The following DSCAM variants were observed in gnomAD, a reference collection of about 807,000 sequenced individuals.
DSCAM encodes the protein cell adhesion molecule DSCAM.
Under a neutral mutation model 217.7 loss-of-function variants are expected in DSCAM, and 47 were observed. The observed-to-expected ratio is 0.22, with a 90% CI of 0.17 to 0.28. DSCAM has a LOEUF of 0.28. DSCAM is among the 10% of genes least tolerant of loss of function. DSCAM has a pLI of 1.00. For missense variants in DSCAM, 2,080 were observed against 2,618.3 expected, an observed-to-expected ratio of 0.79 and a Z score of 4.49; for synonymous variants, 1,056 against 1,015.3, an observed-to-expected ratio of 1.04 and a Z score of -0.76.
intron 1 of DSCAM, among the ~76,000 whole-genome samples, chr21:40,803,084 A>G (rs937756361): frequency 5.3e-5 from 8 of 152,238 alleles, no homozygotes; most frequent in African/African-American, 1.9e-4. Flanking sequence ...AGGGTAAGTC[A>G]GAGAAGTCAG....
intron 19 of DSCAM, among the ~76,000 whole-genome samples, chr21:40,127,199 T>A (rs2090103426): frequency 1.3e-5 from 2 of 152,320 alleles, no homozygotes; most frequent in African/African-American, 4.8e-5. Context: ...CCAAATAAGT[T>A]CTAGCTATCA....
intron 3 of DSCAM, among the ~76,000 whole-genome samples, chr21:40,382,006 A>G (rs2075031186): frequency 6.6e-6 from 1 of 152,188 alleles, no homozygotes; most frequent in South Asian, 2.1e-4. Context: ...TCTTTATTCT[A>G]TGTATCTCTT....
chr21:40,143,648 A>G (rs1021558266), intron 17 of DSCAM, among the ~76,000 whole-genome samples: 7 of 152,122 alleles, frequency 4.6e-5, no homozygotes, highest in Admixed American at 1.3e-4. Context: ...AAAATTAGCC[A>G]GGCGTGGTGG....
At chr21:40,460,309 G>C (rs1239817163) in intron 3 of DSCAM, among the ~76,000 whole-genome samples, 1 of 151,874 alleles carries the variant, frequency 6.6e-6, no homozygotes, top group East Asian at 1.9e-4. Flanking sequence ...GTTTTAAAAA[G>C]TTGGAAGAAA....
At chr21:40,431,885 T>C (rs1601638907) in intron 3 of DSCAM, among the ~76,000 whole-genome samples, 1 of 152,286 alleles carries the variant, frequency 6.6e-6, no homozygotes, top group East Asian at 1.9e-4. Flanking sequence ...CTTAAAGCAA[T>C]AGAAACTGAT....
intron 3 of DSCAM, among the ~76,000 whole-genome samples, chr21:40,378,508 C>T (rs2837591): frequency 0.68 from 101,451 of 148,488 alleles, 35,151 homozygotes; most frequent in African/African-American, 0.81. Context: ...CACACTTTGA[C>T]GTTCACCCCC....
chr21:40,225,804 G>T (rs1424931326), intron 11 of DSCAM, among the ~76,000 whole-genome samples: 1 of 152,052 alleles, frequency 6.6e-6, no homozygotes, highest in Admixed American at 6.5e-5. Context: ...TGAACTAAGG[G>T]GAGAAGAAAG....
intron 16 of DSCAM, among the ~76,000 whole-genome samples, chr21:40,164,426 C>G (rs2090572218): frequency 6.6e-6 from 1 of 152,144 alleles, no homozygotes. Flanking sequence ...TGGCTGCATT[C>G]ACTAGGTCCT....
chr21:40,255,354 T>G (rs1267978402), intron 11 of DSCAM, among the ~76,000 whole-genome samples: 1 of 152,206 alleles, frequency 6.6e-6, no homozygotes, highest in Non-Finnish European at 1.5e-5. Context: ...ATGTGGCTCT[T>G]TTCCCCAGTG....
chr21:40,167,132 G>A (rs2090603827), intron 16 of DSCAM, 86 bp downstream of exon 16: 2 of 1,178,806 alleles, frequency 1.7e-6, no homozygotes, highest in Non-Finnish European at 2.4e-6. Flanking sequence ...TAAAATTCGA[G>A]AGTCTTGGTG....
At chr21:40,562,009 A>T (rs1306937068) in intron 3 of DSCAM, among the ~76,000 whole-genome samples, 1 of 152,204 alleles carries the variant, frequency 6.6e-6, no homozygotes, top group Non-Finnish European at 1.5e-5. Flanking sequence ...CCATATGTCC[A>T]TTTCACTGAC....
chr21:40,800,263 C>A (rs1374398466), intron 1 of DSCAM, among the ~76,000 whole-genome samples: 1 of 152,116 alleles, frequency 6.6e-6, no homozygotes, highest in Non-Finnish European at 1.5e-5. Context: ...TTCAGGCATT[C>A]TGTTATAAGC....
chr21:40,807,045 A>G (rs1326116123), intron 1 of DSCAM, among the ~76,000 whole-genome samples: 1 of 152,196 alleles, frequency 6.6e-6, no homozygotes, highest in Non-Finnish European at 1.5e-5. Flanking sequence ...CCACCATAGC[A>G]TGTGTATACC....
intron 15 of DSCAM, among the ~76,000 whole-genome samples, chr21:40,178,291 T>C (rs2090755177): frequency 6.6e-6 from 1 of 152,166 alleles, no homozygotes; most frequent in South Asian, 2.1e-4. Flanking sequence ...TGAAATTATT[T>C]AGCCAGTTAT....
intron 15 of DSCAM, among the ~76,000 whole-genome samples, chr21:40,171,739 A>T (rs1015459845): frequency 2.0e-5 from 3 of 152,112 alleles, no homozygotes; most frequent in Admixed American, 6.5e-5. Context: ...TACTTTAAAA[A>T]TTTTTTAAAT....
intron 3 of DSCAM, among the ~76,000 whole-genome samples, chr21:40,478,602 G>C (rs2075956843): frequency 6.6e-6 from 1 of 152,154 alleles, no homozygotes; most frequent in Non-Finnish European, 1.5e-5. Flanking sequence ...CAATAGGGAG[G>C]ATTTTTAATT....
chr21:40,545,110 T>G (rs116608518), intron 3 of DSCAM, among the ~76,000 whole-genome samples: 2,172 of 152,236 alleles, frequency 0.014, 62 homozygotes, highest in African/African-American at 0.049. Flanking sequence ...TGAAAAGACA[T>G]GAGAGCTTGT....
Position 40,019,625 on chromosome 21 carries a change from C to T in DSCAM, c.5687-6239G>A, listed in dbSNP as rs534939499. Among the ~76,000 whole-genome samples the T allele has an allele frequency of 2.6e-5, 4 of 152,278 alleles. No homozygotes were observed. The South Asian group carries it at 6.2e-4, about 24-fold the overall frequency. On this transcript the variant is annotated intron_variant, in intron 32 of 32. Coordinates refer to ENST00000400454, the MANE Select transcript of DSCAM (RefSeq NM_001389.5). ...AGTTCTCCCATGCAGTGAAAAGTAG[C>T]AGGGATCCAGAAGAAGTCCAAGGAT...
At chr21:40,489,503 G>A (rs1014649843) in intron 3 of DSCAM, among the ~76,000 whole-genome samples, 7 of 152,004 alleles carry the variant, frequency 4.6e-5, no homozygotes, top group East Asian at 1.9e-4. Flanking sequence ...GGCCGGGCGC[G>A]GTGGCTCACG....
Sources: allele counts gnomAD v4.1 joint callset (sites outside exome capture counted in the v4.1 genomes callset), GRCh38; gene constraint gnomAD v4.1.1; transcripts MANE v1.5; gene names NCBI Gene and HGNC (gene_info 2026-07-23, HGNC 2026-07-21).